Variants in LINGO2 observed in about 807,000 individuals in gnomAD.
LINGO2 encodes the protein leucine-rich repeat and immunoglobulin-like domain-containing nogo receptor-interacting protein 2.
A neutral mutation model predicts 30.6 loss-of-function variants in LINGO2; 14 were observed. The ratio of observed to expected loss-of-function variants is 0.46; its 90% CI spans 0.30 to 0.72. The LOEUF (loss-of-function observed/expected upper bound fraction) is 0.72, where lower values mean the gene tolerates loss of function less well. Ranked by LOEUF, LINGO2 falls within the 30% of genes least tolerant of loss-of-function variation. The probability of loss-of-function intolerance (pLI) is 0.07; values close to 1 mark genes in which losing one functional copy is unlikely to be tolerated. For missense variants in LINGO2, 729 were observed against 751.7 expected, an observed-to-expected ratio of 0.97 and a Z score of 0.35; for synonymous variants, 317 against 288.5, an observed-to-expected ratio of 1.10 and a Z score of -1.00.
intron 1 of LINGO2, among the ~76,000 whole-genome samples, chr9:28,485,348 A>T (rs961297970): frequency 6.6e-6 from 1 of 152,132 alleles, no homozygotes; most frequent in Non-Finnish European, 1.5e-5. Flanking sequence ...AAGTAATATC[A>T]TCACAGCTGT....
intron 4 of LINGO2, among the ~76,000 whole-genome samples, chr9:28,150,215 C>T (rs1367904915): frequency 1.8e-4 from 27 of 146,876 alleles, no homozygotes; most frequent in South Asian, 2.2e-4. Flanking sequence ...AAATGAGGAG[C>T]GCCTCTGCCC....
the LINGO2 span, among the ~76,000 whole-genome samples, chr9:29,116,996 G>A: frequency 5.9e-5 from 9 of 152,108 alleles, no homozygotes; most frequent in Admixed American, 1.3e-4. Context: ...GAGACATTTA[G>A]CAAGCTACCT....
chr9:28,009,261 A>G (rs1822429140), intron 5 of LINGO2, among the ~76,000 whole-genome samples: 1 of 152,054 alleles, frequency 6.6e-6, no homozygotes, highest in Admixed American at 6.6e-5. Context: ...TGAGTCATAG[A>G]CAAACTATGA....
chr9:28,901,389 TA>T, the LINGO2 span, among the ~76,000 whole-genome samples: 2 of 152,102 alleles, frequency 1.3e-5, no homozygotes, highest in East Asian at 3.9e-4. Flanking sequence ...AACTCACTGG[TA>T]AAAGTAAGTA....
intron 5 of LINGO2, among the ~76,000 whole-genome samples, chr9:27,971,433 G>A (rs1176877630): frequency 6.6e-6 from 1 of 152,112 alleles, no homozygotes; most frequent in Non-Finnish European, 1.5e-5. Flanking sequence ...CCAGGCTGGA[G>A]TGCGGTGGCC....
At chr9:28,368,119 C>T (rs1160533164) in intron 3 of LINGO2, among the ~76,000 whole-genome samples, 1 of 152,104 alleles carries the variant, frequency 6.6e-6, no homozygotes, top group African/African-American at 2.4e-5. Flanking sequence ...AATGTCTCAT[C>T]ATTTTGACAG....
the LINGO2 span, among the ~76,000 whole-genome samples, chr9:29,168,750 AT>A: frequency 6.6e-6 from 1 of 152,222 alleles, no homozygotes; most frequent in Non-Finnish European, 1.5e-5. Context: ...GATGACACTG[AT>A]AAGACAGATA....
At chr9:28,140,776 A>G (rs146019807) in intron 4 of LINGO2, among the ~76,000 whole-genome samples, 1 of 152,280 alleles carries the variant, frequency 6.6e-6, no homozygotes, top group East Asian at 1.9e-4. Context: ...TGTCTTCTTT[A>G]CTAAGTTATA....
At chr9:29,101,910 G>A in the LINGO2 span, among the ~76,000 whole-genome samples, 1 of 152,080 alleles carries the variant, frequency 6.6e-6, no homozygotes, top group Admixed American at 6.5e-5. Context: ...AATGGTATAT[G>A]TGAAGACCAG....
chr9:27,979,198 G>A (rs1820740610), intron 5 of LINGO2, among the ~76,000 whole-genome samples: 1 of 152,036 alleles, frequency 6.6e-6, no homozygotes, highest in Non-Finnish European at 1.5e-5. Context: ...GGCTGAGTGT[G>A]TGGGCTCACA....
intron 2 of LINGO2, among the ~76,000 whole-genome samples, chr9:28,470,781 A>G (rs1053092681): frequency 2.6e-5 from 4 of 151,822 alleles, no homozygotes; most frequent in Non-Finnish European, 5.9e-5. Flanking sequence ...CAAAGTTGAA[A>G]AAAATAGATG....
chr9:28,827,712 C>T, the LINGO2 span, among the ~76,000 whole-genome samples: 4 of 151,944 alleles, frequency 2.6e-5, no homozygotes, highest in Non-Finnish European at 4.4e-5. Context: ...ACAAAATGTA[C>T]AAGATTAAAA....
chr9:28,203,750 A>C (rs1043861156), intron 4 of LINGO2, among the ~76,000 whole-genome samples: 4 of 152,110 alleles, frequency 2.6e-5, no homozygotes, highest in Non-Finnish European at 5.9e-5. Flanking sequence ...AGAACACAAC[A>C]CTTGTTTTGA....
At chr9:29,090,469 G>A in the LINGO2 span, among the ~76,000 whole-genome samples, 2 of 151,964 alleles carry the variant, frequency 1.3e-5, no homozygotes, top group African/African-American at 4.8e-5. Flanking sequence ...AGTCTCCTAA[G>A]AGACTTCTTC....
the LINGO2 span, among the ~76,000 whole-genome samples, chr9:28,684,726 C>A: frequency 4.2e-4 from 63 of 151,516 alleles, 1 homozygote; most frequent in African/African-American, 1.5e-3. Context: ...ACCATCTTGG[C>A]CAGGCTGGTC....
intron 4 of LINGO2, among the ~76,000 whole-genome samples, chr9:28,068,694 G>A (rs997018285): frequency 5.9e-5 from 9 of 152,076 alleles, no homozygotes; most frequent in Admixed American, 2.0e-4. Flanking sequence ...GATAAGTAAA[G>A]CAGAAATTTT....
rs751607230 is a variant in LINGO2 at position 28,502,149 on chromosome 9, CACACACACACACAT to C, written c.-364-26138_-364-26125del. 3.0e-3 allele frequency among the ~76,000 whole-genome samples: 449 copies of C among 151,460 alleles called. 4 individuals carry two copies. Among genetic ancestry groups the C allele is most frequent in the African/African-American group, 0.01 (418 of 41,302 alleles). ...AAACACAGACACACACACACACACACACACACACACACATACACACACACACATTTCTGTGGCAT... is the reference window on the plus strand; with the variant it reads ...AAACACAGACACACACACACACACACACACACACACACATTTCTGTGGCAT... On this transcript the variant is annotated intron_variant, in intron 1 of 5. Transcript: ENST00000379992.
chr9:28,848,016 TAC>T, the LINGO2 span, among the ~76,000 whole-genome samples: 7 of 92,112 alleles, frequency 7.6e-5, no homozygotes, highest in African/African-American at 3.8e-4. Flanking sequence ...CATACATATA[TAC>T]ACACATATAG....
At chr9:28,307,986 G>A (rs1425262298) in intron 3 of LINGO2, among the ~76,000 whole-genome samples, 13 of 151,446 alleles carry the variant, frequency 8.6e-5, no homozygotes, top group East Asian at 1.9e-4. Flanking sequence ...AATCAATATC[G>A]TGAAAATGGC....
Sources: gnomAD v4.1 joint callset for allele counts (sites outside exome capture counted in the v4.1 genomes callset) on GRCh38, gnomAD v4.1.1 for gene constraint, MANE v1.5 for transcripts, NCBI Gene and HGNC (gene_info 2026-07-23, HGNC 2026-07-21) for gene names.